Variants in MFSD6 observed in about 807,000 individuals in gnomAD.
MFSD6 encodes major facilitator superfamily domain-containing protein 6.
A neutral mutation model predicts 56.3 loss-of-function variants in MFSD6; 26 were observed. That is an observed-to-expected ratio of 0.46 (90% CI 0.34 to 0.64). MFSD6 has a LOEUF of 0.64. Ranked by LOEUF, MFSD6 falls within the 30% of genes least tolerant of loss-of-function variation. MFSD6 has a pLI of 0.01. For missense variants in MFSD6, 750 were observed against 986.2 expected (o/e 0.76, Z 3.21); for synonymous variants, 331 against 366.9 (o/e 0.90, Z 1.12).
At chr2:190,481,660 A>G (rs1270769374) in intron 4 of MFSD6, among the ~76,000 whole-genome samples, 1 of 152,232 alleles carries the variant, frequency 6.6e-6, no homozygotes, top group Non-Finnish European at 1.5e-5. Flanking sequence ...CATATTTTCA[A>G]AGCCTAGCAG....
At position 190,494,231 on chromosome 2, in the gene MFSD6, T is replaced by C. The variant is rs1689532273; in HGVS notation, c.1892-3208T>C. 6.6e-6 allele frequency among the ~76,000 whole-genome samples: 1 copy of C among 152,116 alleles called. No homozygotes were observed. The highest frequency in any genetic ancestry group is 1.5e-5 in the Non-Finnish European group (1 of 68,008). ...CATTCAAGGCTACTATTAACACCTT[T>C]ACATGCATAAACTGGAAAACGCAGA... is the stretch of plus-strand genomic sequence containing the variant. On this transcript the variant is annotated intron_variant, in intron 6 of 7. Transcript: ENST00000392328. This position sits in a 1 kb window ranked among gnomAD's most constrained non-coding sequence, Gnocchi z 5.7.
In MFSD6 at chr2:190,412,604, T is replaced by C; in HGVS notation, c.-175-2688T>C. 9.1e-6 allele frequency: 9 copies of C among 985,264 alleles called. No homozygotes were observed. Among genetic ancestry groups the C allele is most frequent in the Non-Finnish European group, 1.1e-5 (9 of 829,764 alleles). 61.0% of individuals were successfully genotyped at this position (985,264 alleles called of 1,614,324 possible). On this transcript the variant is annotated intron_variant, in intron 1 of 7. Coordinates refer to ENST00000392328, the MANE Select transcript of MFSD6 (RefSeq NM_017694.4). The surrounding 1 kb of genome is among the most constrained non-coding windows in gnomAD (Gnocchi z 4.1). ...CTGATGTCAATTCTGTGTGGGGCAA[T>C]GAAAACACCTTAATGCCTCCACCAA...
At chr2:190,408,160 C>T (rs1401834878), upstream of MFSD6, among the ~76,000 whole-genome samples, 3 of 151,866 alleles carry the variant, frequency 2.0e-5, no homozygotes, top group Non-Finnish European at 4.4e-5. Context: ...GGCCGGTCCT[C>T]AGCGCCCGGC....
chr2:190,416,885 C>T lies in MFSD6; in HGVS notation c.-54+1472C>T, dbSNP rs368826051. On this transcript the variant is annotated intron_variant, in intron 2 of 7. Transcript: ENST00000392328. The surrounding 1 kb of genome is among the most constrained non-coding windows in gnomAD (Gnocchi z 4.1). ...GCAACTGGGACTTCTTTTGACTCTACTTCCTAAAATGAATTTTTGATCACA... is the reference window on the plus strand; with the variant it reads ...GCAACTGGGACTTCTTTTGACTCTATTTCCTAAAATGAATTTTTGATCACA... Among the ~76,000 whole-genome samples the T allele has an allele frequency of 3.9e-5, 6 of 152,082 alleles. No homozygotes were observed. Among genetic ancestry groups the T allele is most frequent in the African/African-American group, 1.4e-4 (6 of 41,406 alleles).
chr2:190,419,426 C>T (rs1435728711), intron 2 of MFSD6, among the ~76,000 whole-genome samples: 1 of 152,210 alleles, frequency 6.6e-6, no homozygotes, highest in Non-Finnish European at 1.5e-5. Context: ...AAGTTGATTT[C>T]CCTGCTTCGC....
chr2:190,469,897 C>T lies in MFSD6; in HGVS notation c.1630+42C>T, dbSNP rs752330680. 6.9e-6 allele frequency: 10 copies of T among 1,447,790 alleles called. No homozygotes were observed. Among genetic ancestry groups the T allele is most frequent in the Non-Finnish European group, 9.7e-6 (10 of 1,034,894 alleles). The allele number at this position is 1,447,790 out of a possible 1,614,324, so 89.7% of individuals were successfully genotyped here. A position where few individuals can be genotyped will look rare whatever the true frequency, so the allele number is the denominator to read the frequency against. ...GATTGAAATTATTTCTCTGCCTTCC[C>T]TGAGCTGTGGCTAAAAGCCCAGTGG... is the stretch of plus-strand genomic sequence containing the variant. On this transcript the variant is annotated intron_variant, in intron 4 of 7. Transcript: ENST00000392328. This position sits in a 1 kb window ranked among gnomAD's most constrained non-coding sequence, Gnocchi z 5.3.
chr2:190,408,339 G>T (rs1690388356), upstream of MFSD6: 2 of 151,220 alleles, frequency 1.3e-5, no homozygotes, highest in African/African-American at 2.4e-5. Context: ...TCGCCTCGCC[G>T]CGCCCCGCCC....
chr2:190,407,795 G>A (rs2124969142), upstream of MFSD6, among the ~76,000 whole-genome samples: 1 of 152,204 alleles, frequency 6.6e-6, no homozygotes, highest in South Asian at 2.1e-4. The surrounding 1 kb of genome is among the most constrained non-coding windows in gnomAD (Gnocchi z 5.4). Context: ...GCACCCCGCC[G>A]GCTCCTCCCT....
rs1049580523 is a variant in MFSD6 at position 190,425,262 on chromosome 2, A to G, written c.-54+9849A>G. Among the ~76,000 whole-genome samples the G allele has an allele frequency of 1.3e-5, 2 of 152,098 alleles. No homozygotes were observed. Among genetic ancestry groups the G allele is most frequent in the East Asian group, 3.8e-4 (2 of 5,198 alleles). ...ATTTATAGGTTTCTTGGGATTTTCTACCTAGTCATGTTAACTGCAAATAGG... is the reference window on the plus strand; with the variant it reads ...ATTTATAGGTTTCTTGGGATTTTCTGCCTAGTCATGTTAACTGCAAATAGG... On this transcript the variant is annotated intron_variant, in intron 2 of 7. Transcript: ENST00000392328. The surrounding 1 kb of genome is among the most constrained non-coding windows in gnomAD (Gnocchi z 4.3).
At chr2:190,482,894 T>TC (rs1688768522) in intron 4 of MFSD6, among the ~76,000 whole-genome samples, 1 of 72,456 alleles carries the variant, frequency 1.4e-5, no homozygotes, top group Non-Finnish European at 3.0e-5. Flanking sequence ...TTTTTTTTTT[T>TC]TTTTTTTTTA....
chr2:190,460,237 A>G (rs909398553), intron 3 of MFSD6, among the ~76,000 whole-genome samples: 1 of 152,188 alleles, frequency 6.6e-6, no homozygotes, highest in Admixed American at 6.5e-5. Flanking sequence ...CATAAATAAA[A>G]ATATTTATTT....
chr2:190,490,572 AC>A lies in MFSD6; in HGVS notation c.1891+707del, dbSNP rs1389789169. Among the ~76,000 whole-genome samples the A allele has an allele frequency of 5.3e-5, 8 of 152,028 alleles. No individual in the cohort carries two copies. The highest frequency in any genetic ancestry group is 7.4e-5 in the Non-Finnish European group (5 of 67,980). On this transcript the variant is annotated intron_variant, in intron 6 of 7. Coordinates refer to ENST00000392328, the MANE Select transcript of MFSD6 (RefSeq NM_017694.4). The surrounding 1 kb of genome is among the most constrained non-coding windows in gnomAD (Gnocchi z 4.5). ...AGCAAGACTCCCTCTCAAAAAAAAA[AC>A]AAAAAACAAAGACAAAAATGTCAAG... is the stretch of plus-strand genomic sequence containing the variant.
chr2:190,429,671 AC>A (rs1342198026), intron 2 of MFSD6, among the ~76,000 whole-genome samples: 1 of 151,420 alleles, frequency 6.6e-6, no homozygotes, highest in East Asian at 1.9e-4. Flanking sequence ...TGTTTAATAT[AC>A]TCTGTGTCTT....
rs1282105614 is a variant in MFSD6 at position 190,498,383 on chromosome 2, A to G, written c.2172+664A>G. ...CATGATAATCACTCCCTTTTATTTG[A>G]TAAGTCACGTCAGCTTTGTCTGGAG... On this transcript the variant is annotated intron_variant, in intron 7 of 7. Coordinates refer to ENST00000392328, the MANE Select transcript of MFSD6 (RefSeq NM_017694.4). This position sits in a 1 kb window ranked among gnomAD's most constrained non-coding sequence, Gnocchi z 5.9. Among the ~76,000 whole-genome samples the G allele has an allele frequency of 6.6e-6, 1 of 152,218 alleles. No individual in the cohort carries two copies. Among genetic ancestry groups the G allele is most frequent in the Non-Finnish European group, 1.5e-5 (1 of 68,026 alleles).
In MFSD6 at chr2:190,451,623, G is replaced by T. The variant is rs1686777379; in HGVS notation, c.1532+14062G>T. Among the ~76,000 whole-genome samples, 1 of 152,214 alleles carries T rather than the reference G, an allele frequency of 6.6e-6. No homozygotes were observed. ...TAAGAGTGACTGAGGAGAAGCAATT[G>T]TTTCAGCTCGGTTAGGCTGGGAGAC... On this transcript the variant is annotated intron_variant, in intron 3 of 7. Coordinates refer to ENST00000392328, the MANE Select transcript of MFSD6 (RefSeq NM_017694.4). This position sits in a 1 kb window ranked among gnomAD's most constrained non-coding sequence, Gnocchi z 5.0.
intron 3 of MFSD6, among the ~76,000 whole-genome samples, chr2:190,460,877 C>T (rs557006077): frequency 6.6e-6 from 1 of 152,182 alleles, no homozygotes; most frequent in Non-Finnish European, 1.5e-5. Flanking sequence ...ATAATAGAAT[C>T]TTCTTCATAT....
chr2:190,435,947 C>G, intron 2 of MFSD6, 30 bp from the exon 3 acceptor site: 1 of 1,489,252 alleles, frequency 6.7e-7, no homozygotes, highest in Non-Finnish European at 9.0e-7. Context: ...ATTTTCATTA[C>G]TAAGCCATCT....
intron 3 of MFSD6, among the ~76,000 whole-genome samples, chr2:190,460,182 A>G (rs1687250602): frequency 6.6e-6 from 1 of 152,164 alleles, no homozygotes; most frequent in Admixed American, 6.5e-5. Context: ...CTCCAAATAA[A>G]CAAACTGTAA....
In MFSD6 at chr2:190,410,630, G is replaced by T. The variant is rs372403023; in HGVS notation, c.-176+2127G>T. On this transcript the variant is annotated intron_variant, in intron 1 of 7. Coordinates refer to ENST00000392328, the MANE Select transcript of MFSD6 (RefSeq NM_017694.4). This position sits in a 1 kb window ranked among gnomAD's most constrained non-coding sequence, Gnocchi z 4.4. The stretch of plus-strand genomic sequence containing the variant: ...ATTGAAGGCAGTATGAAGCTGACAG[G>T]TTTCTTTGTTTTACTTCCTTTGACA... Among the ~76,000 whole-genome samples the T allele has an allele frequency of 1.1e-4, 16 of 152,300 alleles. No individual in the cohort carries two copies. In the East Asian group the frequency reaches 2.7e-3, roughly 26 times the overall value.
Sources: allele counts gnomAD v4.1 joint callset (sites outside exome capture counted in the v4.1 genomes callset), GRCh38; gene constraint gnomAD v4.1.1; non-coding constraint Gnocchi (gnomAD v3.1); transcripts MANE v1.5; gene names NCBI Gene and HGNC (gene_info 2026-07-23, HGNC 2026-07-21).